EFHD1: variants seen among roughly 807,000 people sequenced by gnomAD.
The protein encoded by EFHD1 is EF-hand domain-containing protein D1.
EFHD1 carries 10 observed loss-of-function variants against 17.2 expected under a neutral mutation model. The ratio of observed to expected loss-of-function variants is 0.58; its 90% CI spans 0.36 to 0.99. The LOEUF (loss-of-function observed/expected upper bound fraction) is 0.99. Ranked by LOEUF, EFHD1 falls within the 50% of genes least tolerant of loss-of-function variation. The pLI is 0.01. For synonymous variants in EFHD1, 153 were observed against 142.0 expected (o/e 1.08, Z -0.55); for missense variants, 310 against 327.5 (o/e 0.95, Z 0.41).
intron 1 of EFHD1, among the ~76,000 whole-genome samples, chr2:232,614,035 CAT>C (rs1169894987): frequency 1.3e-4 from 18 of 133,740 alleles, no homozygotes; most frequent in East Asian, 2.2e-4. Context: ...CACACACAAA[CAT>C]ACACAAACAC....
chr2:232,615,836 C>A (rs1050374580), intron 1 of EFHD1, among the ~76,000 whole-genome samples: 1 of 151,874 alleles, frequency 6.6e-6, no homozygotes. Context: ...TACAGGCATG[C>A]GCCACCAGGC....
In EFHD1 at chr2:232,633,953, G is replaced by A. The variant is rs375096297; in HGVS notation, c.249G>A (p.Glu83=). The A allele has an allele frequency of 6.2e-5, 99 of 1,597,662 alleles. 1 individual carries two copies. In the African/African-American group the frequency reaches 1.0e-3, roughly 17 times the overall value. The change falls in exon 1 of 4, where the codon GAG becomes GAA. Residue 83 remains glutamate, a synonymous_variant. Coordinates refer to ENST00000264059, the MANE Select transcript of EFHD1 (RefSeq NM_025202.4). ...RRCRVFNPYT[E]FPEFSRRLIK... is the part of the protein sequence containing the mutation. ...GCAGGGTCTTCAACCCCTACACGGA[G>A]TTCCCGGAGTTCAGCCGCCGCCTCA...
intron 2 of EFHD1, among the ~76,000 whole-genome samples, chr2:232,669,328 G>A (rs919628620): frequency 4.6e-5 from 7 of 152,134 alleles, no homozygotes; most frequent in Admixed American, 3.3e-4. Context: ...GCTGACCGTC[G>A]GCCTCTCCGT....
intron 1 of EFHD1, among the ~76,000 whole-genome samples, chr2:232,626,715 A>G (rs534158990): frequency 9.9e-5 from 15 of 152,264 alleles, no homozygotes; most frequent in Admixed American, 9.8e-4. Context: ...GAGCTGAACT[A>G]GCTCCCCTTT....
At chr2:232,621,614 G>A (rs1036080788) in intron 1 of EFHD1, among the ~76,000 whole-genome samples, 5 of 152,056 alleles carry the variant, frequency 3.3e-5, no homozygotes, top group African/African-American at 1.2e-4. Context: ...CACCATGCCC[G>A]GCTAATTTTG....
rs80040105 is a variant in EFHD1 at position 232,625,468 on chromosome 2, C to G, written c.14+19295C>G. Among the ~76,000 whole-genome samples, 13 of 152,196 alleles carry G rather than the reference C, an allele frequency of 8.5e-5. No individual in the cohort carries two copies. In the East Asian group the frequency reaches 2.3e-3, roughly 27 times the overall value. ...GTTGATTGAAGCAATATATGCATGC[C>G]TGAATATATGAGATTTTTCAACTTC... On this transcript the variant is annotated intron_variant, in intron 1 of 3. Transcript: ENST00000409613.
Position 232,616,663 on chromosome 2 carries a change from G to T in EFHD1, c.14+10490G>T, listed in dbSNP as rs1211111751. ...TTCAGAGAGACAGAAGTAGAATGGT[G>T]GTTGCATAGGGCTGGGAATGGGGGA... is the stretch of plus-strand genomic sequence containing the variant. On this transcript the variant is annotated intron_variant, in intron 1 of 3. Transcript: ENST00000409613. 2.0e-5 allele frequency among the ~76,000 whole-genome samples: 3 copies of T among 152,144 alleles called. No individual in the cohort carries two copies. In the East Asian group the frequency reaches 5.8e-4, roughly 29 times the overall value.
chr2:232,613,799 CA>C (rs1469975297), intron 1 of EFHD1, among the ~76,000 whole-genome samples: 4 of 143,588 alleles, frequency 2.8e-5, no homozygotes, highest in Non-Finnish European at 6.0e-5. Flanking sequence ...CATATACACA[CA>C]AAAATATACA....
At chr2:232,613,269 C>T (rs1439055379) in intron 1 of EFHD1, among the ~76,000 whole-genome samples, 3 of 151,754 alleles carry the variant, frequency 2.0e-5, no homozygotes, top group Non-Finnish European at 1.5e-5. Context: ...ACTAAAAATA[C>T]GAAAATGAGC....
chr2:232,655,090 C>T (rs1165334748), intron 1 of EFHD1, among the ~76,000 whole-genome samples: 6 of 152,216 alleles, frequency 3.9e-5, no homozygotes, highest in Admixed American at 2.0e-4. Flanking sequence ...TCAGCCTGTT[C>T]TGCGAATTCT....
rs557403773 is a variant in EFHD1, at chr2:232,645,310, G to A, written c.302+11304G>A. Among the ~76,000 whole-genome samples the A allele has an allele frequency of 5.3e-5, 8 of 152,134 alleles. No individual in the cohort carries two copies. The East Asian group carries it at 1.6e-3, about 29-fold the overall frequency. On this transcript the variant is annotated intron_variant, in intron 1 of 3. Transcript: ENST00000264059. ...AAGTAGGAGGATGGCCCCCTGCCTC[G>A]TGCCCACGGCTGGCCACTCTGCCCC...
chr2:232,679,680 C>T (rs1367312607), intron 3 of EFHD1, among the ~76,000 whole-genome samples: 1 of 144,266 alleles, frequency 6.9e-6, no homozygotes, highest in Non-Finnish European at 1.5e-5. Flanking sequence ...TGCCACTGCA[C>T]TTCAACCTCA....
intron 1 of EFHD1, among the ~76,000 whole-genome samples, chr2:232,618,132 G>T (rs1206838911): frequency 6.6e-6 from 1 of 151,450 alleles, no homozygotes; most frequent in Non-Finnish European, 1.5e-5. Context: ...TGATTCTCCT[G>T]CCTCAGCCTC....
chr2:232,679,825 A>G (rs1418374058), intron 3 of EFHD1, among the ~76,000 whole-genome samples: 1 of 152,192 alleles, frequency 6.6e-6, no homozygotes, highest in Non-Finnish European at 1.5e-5. Context: ...AAATAAAAGA[A>G]GGTGCCAATT....
At chr2:232,631,691 T>TAAAAA (rs34689384), upstream of EFHD1, among the ~76,000 whole-genome samples, 36 of 115,766 alleles carry the variant, frequency 3.1e-4, 1 homozygote, top group African/African-American at 7.2e-4. Context: ...ATAAGAACAT[T>TAAAAA]AAAAAAAAAA....
intron 1 of EFHD1, among the ~76,000 whole-genome samples, chr2:232,639,478 C>T (rs545758483): frequency 2.0e-3 from 304 of 152,138 alleles, no homozygotes; most frequent in Middle Eastern, 3.4e-3. Flanking sequence ...TGGGCTACTT[C>T]GCCTGGCCAG....
intron 3 of EFHD1, among the ~76,000 whole-genome samples, chr2:232,673,381 G>A (rs1382396739): frequency 1.3e-5 from 2 of 152,186 alleles, no homozygotes; most frequent in Non-Finnish European, 1.5e-5. Flanking sequence ...AAGGTGATAC[G>A]TGCTCTAGTT....
intron 1 of EFHD1, among the ~76,000 whole-genome samples, chr2:232,641,002 G>A (rs1293706368): frequency 6.6e-6 from 1 of 152,178 alleles, no homozygotes; most frequent in Non-Finnish European, 1.5e-5. Flanking sequence ...GGAAGCTGCA[G>A]CCATCGGGAA....
chr2:232,606,970 G>A (rs1693725687), intron 1 of EFHD1, among the ~76,000 whole-genome samples: 1 of 151,804 alleles, frequency 6.6e-6, no homozygotes, highest in Non-Finnish European at 1.5e-5. Flanking sequence ...ACCCCAATCT[G>A]GAGACACATC....
Sources: allele counts gnomAD v4.1 joint callset (sites outside exome capture counted in the v4.1 genomes callset), GRCh38; gene constraint gnomAD v4.1.1; transcripts MANE v1.5; gene names NCBI Gene and HGNC (gene_info 2026-07-23, HGNC 2026-07-21).